The following TP73 variants were observed in gnomAD, a reference collection of about 807,000 sequenced individuals.
TP73 encodes tumor protein p73.
In TP73, 25 loss-of-function variants were observed where a neutral mutation model predicts 62.5. The observed-to-expected ratio is 0.40, with a 90% CI of 0.29 to 0.56. TP73 has a LOEUF of 0.56. TP73 is among the 20% of genes least tolerant of loss of function. The pLI is 0.46. For missense variants in TP73, 754 were observed against 913.3 expected, an observed-to-expected ratio of 0.83 and a Z score of 2.25; for synonymous variants, 423 against 377.5, an observed-to-expected ratio of 1.12 and a Z score of -1.40.
In TP73 at chr1:3,672,088, C is replaced by T. The variant is rs187817705; in HGVS notation, c.-33-10245C>T. Among the ~76,000 whole-genome samples the T allele has an allele frequency of 3.3e-5, 5 of 152,238 alleles. No homozygotes were observed. In the East Asian group the frequency reaches 7.7e-4, roughly 24 times the overall value. On this transcript the variant is annotated intron_variant, in intron 1 of 13. Coordinates refer to ENST00000378295, the MANE Select transcript of TP73 (RefSeq NM_005427.4). The surrounding 1 kb of genome is among the most constrained non-coding windows in gnomAD (Gnocchi z 5.3). ...GGGTAGGGAGTGGTCAGCAGGGAGA[C>T]ATGTCCACTGGTGCAGCGGGCGTGT...
intron 7 of TP73, 115 bp downstream of exon 7, chr1:3,727,339 T>TG (rs1333105820): frequency 9.0e-7 from 1 of 1,107,370 alleles, no homozygotes; most frequent in African/African-American, 1.6e-5. Context: ...GAAGAGACTT[T>TG]GGGGTGTGCT....
chr1:3,724,138 C>G lies in TP73; in HGVS notation c.732+669C>G, dbSNP rs80249931. Among the ~76,000 whole-genome samples the G allele has an allele frequency of 5.5e-3, 842 of 152,072 alleles. 24 individuals are homozygous for G. In the East Asian group the frequency reaches 0.068, roughly 12 times the overall value. On this transcript the variant is annotated intron_variant, in intron 6 of 13. Coordinates refer to ENST00000378295, the MANE Select transcript of TP73 (RefSeq NM_005427.4). Reference sequence around the variant, plus strand: ...AAAGGCAGCATAAGTTTCTGGGACACAATTCTGGAGCTGATGTGGGGCCCA... The same window carrying G: ...AAAGGCAGCATAAGTTTCTGGGACAGAATTCTGGAGCTGATGTGGGGCCCA...
chr1:3,696,328 G>T lies in TP73; in HGVS notation c.187-11221G>T, dbSNP rs1464564827. 1.3e-5 allele frequency among the ~76,000 whole-genome samples: 2 copies of T among 152,106 alleles called. No individual in the cohort carries two copies. The highest frequency in any genetic ancestry group is 2.9e-5 in the Non-Finnish European group (2 of 68,026). On this transcript the variant is annotated intron_variant, in intron 3 of 13. Coordinates refer to ENST00000378295, the MANE Select transcript of TP73 (RefSeq NM_005427.4). This position sits in a 1 kb window ranked among gnomAD's most constrained non-coding sequence, Gnocchi z 4.1. ...CTCCCCAAGGCAGGAAAGGCCGGCA[G>T]GGTCTGGATGTGAGGTGGGTAAGGA...
chr1:3,673,615 C>T (rs1330772180), intron 1 of TP73, among the ~76,000 whole-genome samples: 3 of 152,176 alleles, frequency 2.0e-5, no homozygotes, highest in Non-Finnish European at 4.4e-5. Flanking sequence ...GCTGCGTGGG[C>T]AGAGCAGGAG....
intron 1 of TP73, among the ~76,000 whole-genome samples, chr1:3,655,813 T>C (rs1165435497): frequency 6.6e-6 from 1 of 152,190 alleles, no homozygotes; most frequent in African/African-American, 2.4e-5. Context: ...TTTGCCTTCT[T>C]AAGTGGGTTA....
At chr1:3,665,188 C>T (rs1005211121) in intron 1 of TP73, among the ~76,000 whole-genome samples, 3 of 152,012 alleles carry the variant, frequency 2.0e-5, no homozygotes, top group Non-Finnish European at 4.4e-5. Context: ...TCTTCTGGAG[C>T]GAGGCATGCT....
intron 4 of TP73, among the ~76,000 whole-genome samples, chr1:3,718,092 C>A (rs1253405698): frequency 6.6e-6 from 1 of 152,178 alleles, no homozygotes; most frequent in Non-Finnish European, 1.5e-5. Context: ...AGGTCGAAGA[C>A]CTGTCCGTTC....
chr1:3,664,070 G>A (rs944351112), intron 1 of TP73, among the ~76,000 whole-genome samples: 2 of 152,204 alleles, frequency 1.3e-5, no homozygotes, highest in Non-Finnish European at 2.9e-5. Flanking sequence ...GACCACACCT[G>A]AGAACCCCCA....
chr1:3,661,559 A>G (rs942394539), intron 1 of TP73, among the ~76,000 whole-genome samples: 1 of 151,528 alleles, frequency 6.6e-6, no homozygotes, highest in Non-Finnish European at 1.5e-5. Context: ...AAATACAAAA[A>G]TTAGCCAGGC....
intron 12 of TP73, 89 bp from the exon 13 acceptor site, chr1:3,731,374 C>T: frequency 7.4e-7 from 1 of 1,358,192 alleles, no homozygotes; most frequent in Admixed American, 1.8e-5. Flanking sequence ...GCAGTCTCCG[C>T]CCCAGCCAGG....
intron 9 of TP73, among the ~76,000 whole-genome samples, chr1:3,728,992 AAG>A (rs3034587): frequency 0.091 from 13,693 of 150,806 alleles, 1,013 homozygotes; most frequent in East Asian, 0.22. Flanking sequence ...TGTCGAAAGA[AAG>A]AGAGAGAGAG....
At chr1:3,713,492 C>T (rs1002812392) in intron 4 of TP73, among the ~76,000 whole-genome samples, 3 of 152,008 alleles carry the variant, frequency 2.0e-5, no homozygotes, top group Non-Finnish European at 4.4e-5. Context: ...GGACTCGGGG[C>T]AAGGTGGGGG....
intron 4 of TP73, among the ~76,000 whole-genome samples, chr1:3,710,752 GAC>G (rs1640073498): frequency 6.6e-6 from 1 of 152,142 alleles, no homozygotes; most frequent in South Asian, 2.1e-4. Flanking sequence ...CACACACACA[GAC>G]ACAGCACCCT....
At chr1:3,669,795 A>G (rs1645200295) in intron 1 of TP73, among the ~76,000 whole-genome samples, 1 of 152,208 alleles carries the variant, frequency 6.6e-6, no homozygotes, top group Non-Finnish European at 1.5e-5. Context: ...AGGCTGGGGA[A>G]TCCTCAGGGA....
chr1:3,707,951 C>G, intron 4 of TP73, 160 bp downstream of exon 4: 1 of 1,260,404 alleles, frequency 7.9e-7, no homozygotes, highest in Admixed American at 2.5e-5. Flanking sequence ...GGAGGCGGGT[C>G]TCAGGGCCGG....
intron 1 of TP73, among the ~76,000 whole-genome samples, chr1:3,657,459 G>C (rs1644888444): frequency 1.3e-5 from 2 of 152,152 alleles, no homozygotes; most frequent in Non-Finnish European, 2.9e-5. Flanking sequence ...CTTATCTTGA[G>C]ACCCTTACCT....
chr1:3,698,905 G>A (rs1244253191), intron 3 of TP73, among the ~76,000 whole-genome samples: 1 of 152,206 alleles, frequency 6.6e-6, no homozygotes, highest in Non-Finnish European at 1.5e-5. Context: ...GTGGCCCTGG[G>A]CCTCGCAGTC....
At chr1:3,698,645 C>T (rs1052906328) in intron 3 of TP73, among the ~76,000 whole-genome samples, 20 of 151,946 alleles carry the variant, frequency 1.3e-4, no homozygotes, top group African/African-American at 4.1e-4. Context: ...GACTCCGGGG[C>T]GGTTAGCAGG....
intron 3 of TP73, among the ~76,000 whole-genome samples, chr1:3,702,063 G>A (rs895968277): frequency 6.6e-6 from 1 of 152,240 alleles, no homozygotes; most frequent in African/African-American, 2.4e-5. Flanking sequence ...GGGATGGGCA[G>A]CCCTGGCCAC....
Sources: allele counts gnomAD v4.1 joint callset (sites outside exome capture counted in the v4.1 genomes callset), GRCh38; gene constraint gnomAD v4.1.1; non-coding constraint Gnocchi (gnomAD v3.1); transcripts MANE v1.5; gene names NCBI Gene and HGNC (gene_info 2026-07-23, HGNC 2026-07-21).